The following NUP205 variants were observed in gnomAD, a reference collection of about 807,000 sequenced individuals.
NUP205 encodes nuclear pore complex protein Nup205.
A neutral mutation model predicts 253.8 loss-of-function variants in NUP205; 76 were observed. That is an observed-to-expected ratio of 0.30 (90% CI 0.25 to 0.36). The LOEUF (loss-of-function observed/expected upper bound fraction) is 0.36, where lower values mean the gene tolerates loss of function less well. NUP205 is among the 10% of genes least tolerant of loss of function. The probability of loss-of-function intolerance (pLI) is 1.00; values close to 1 mark genes in which losing one functional copy is unlikely to be tolerated. For synonymous variants in NUP205, 832 were observed against 850.1 expected, an observed-to-expected ratio of 0.98 and a Z score of 0.37; for missense variants, 2,162 against 2,425.5, an observed-to-expected ratio of 0.89 and a Z score of 2.28.
chr7:135,616,991 T>C (rs1794375623), intron 25 of NUP205, 99 bp from the exon 26 acceptor site: 1 of 896,120 alleles, frequency 1.1e-6, no homozygotes, highest in Non-Finnish European at 1.7e-6. Context: ...TTATGCTCTT[T>C]CTGAAAATAG....
rs1794101127 is a variant in NUP205 at position 135,607,026 on chromosome 7, A to G, written c.3070+111A>G. On this transcript the variant is annotated intron_variant, in intron 21 of 42. Transcript: ENST00000285968. Reference sequence around the variant, plus strand: ...AATTCATTGAAAGAAAAAGTGTAAGAAAGGTAATGTGATGGATGGGTCAGT... The same window carrying G: ...AATTCATTGAAAGAAAAAGTGTAAGGAAGGTAATGTGATGGATGGGTCAGT... 4 of 1,253,324 alleles carry G rather than the reference A, an allele frequency of 3.2e-6. No individual in the cohort carries two copies. The Admixed American group carries it at 8.5e-5, about 27-fold the overall frequency. The allele number at this position is 1,253,324 out of a possible 1,614,324, so 77.6% of individuals were successfully genotyped here. A position where few individuals can be genotyped will look rare whatever the true frequency, so the allele number is the denominator to read the frequency against.
intron 27 of NUP205, 50 bp from the exon 28 acceptor site, chr7:135,618,362 C>G: frequency 6.8e-7 from 1 of 1,465,488 alleles, no homozygotes; most frequent in Non-Finnish European, 9.5e-7. Flanking sequence ...TGACAGATAA[C>G]TGATCTTATT....
Position 135,577,956 on chromosome 7 carries a change from C to T in NUP205, c.809C>T (p.Ala270Val). The T allele has an allele frequency of 6.2e-7, 1 of 1,613,976 alleles. No individual in the cohort carries two copies. Residue 270 changes from alanine to valine, a missense_variant, in exon 6 of 43, where the codon GCT becomes GTT. Transcript: ENST00000285968. Reference sequence around the variant, plus strand: ...GGCTCACTGGATGCAGTGAATCTGGCTCTTCTTATGGCGCTTCTATACTGT... The same window carrying T: ...GGCTCACTGGATGCAGTGAATCTGGTTCTTCTTATGGCGCTTCTATACTGT... ...ANGSLDAVNL[A>V]LLMALLYCFD...
At chr7:135,610,865 C>T (rs531937720) in intron 22 of NUP205, among the ~76,000 whole-genome samples, 1 of 152,240 alleles carries the variant, frequency 6.6e-6, no homozygotes, top group East Asian at 1.9e-4. Flanking sequence ...AGGCCTGGTG[C>T]CTTTGCCCTC....
At chr7:135,620,347 A>C (rs1584679229) in intron 30 of NUP205, among the ~76,000 whole-genome samples, 1 of 152,226 alleles carries the variant, frequency 6.6e-6, no homozygotes, top group Non-Finnish European at 1.5e-5. Context: ...CAGCTTGGCC[A>C]ATATGGTGAA....
At chr7:135,564,245 ATTTT>A (rs35094813) in intron 1 of NUP205, among the ~76,000 whole-genome samples, 1 of 124,004 alleles carries the variant, frequency 8.1e-6, no homozygotes, top group Non-Finnish European at 1.7e-5. Context: ...ATGCCCAGCT[ATTTT>A]TTTTTTTTTT....
intron 3 of NUP205, among the ~76,000 whole-genome samples, chr7:135,575,453 A>G (rs1468790744): frequency 6.6e-6 from 1 of 152,122 alleles, no homozygotes; most frequent in African/African-American, 2.4e-5. Context: ...AGGGGAAAAG[A>G]AAGCTTTAGG....
chr7:135,616,880 A>G (rs754198428), intron 25 of NUP205, among the ~76,000 whole-genome samples, 154 bp downstream of exon 25: 19 of 152,040 alleles, frequency 1.2e-4, no homozygotes, highest in South Asian at 4.1e-4. Context: ...TTTTTTTTAT[A>G]ATAGGATTAT....
intron 35 of NUP205, among the ~76,000 whole-genome samples, chr7:135,631,836 G>A (rs1369427833): frequency 2.7e-5 from 4 of 149,010 alleles, no homozygotes; most frequent in African/African-American, 9.9e-5. Flanking sequence ...TGCAAGCTCC[G>A]CCTCCCCGAT....
chr7:135,574,788 G>A (rs1806105622), intron 3 of NUP205, among the ~76,000 whole-genome samples: 1 of 152,182 alleles, frequency 6.6e-6, no homozygotes, highest in African/African-American at 2.4e-5. Context: ...AGAGAAAAGA[G>A]AGAAAAATTT....
chr7:135,568,405 T>A (rs1443393532), intron 1 of NUP205, among the ~76,000 whole-genome samples: 3 of 151,842 alleles, frequency 2.0e-5, no homozygotes. Flanking sequence ...TGATCTTGGC[T>A]CACTGCAACC....
At chr7:135,558,138 C>G in intron 1 of NUP205, 166 bp downstream of exon 1, 1 of 664,262 alleles carries the variant, frequency 1.5e-6, no homozygotes, top group Non-Finnish European at 2.8e-6. Flanking sequence ...TTGAATGGCG[C>G]GCGTCGGTGC....
intron 22 of NUP205, among the ~76,000 whole-genome samples, chr7:135,609,131 G>A (rs1013426165): frequency 6.8e-6 from 1 of 146,718 alleles, no homozygotes; most frequent in Non-Finnish European, 1.5e-5. Flanking sequence ...AAAAGAACCA[G>A]GCTTTATAAG....
At chr7:135,585,134 G>A (rs574082572) in intron 8 of NUP205, 127 bp downstream of exon 8, 9 of 668,908 alleles carry the variant, frequency 1.3e-5, no homozygotes, top group African/African-American at 1.8e-5. Context: ...TTTGCCAGTA[G>A]CTGTATTACA....
intron 17 of NUP205, 83 bp downstream of exon 17, chr7:135,601,590 C>A (rs1203965809): frequency 7.1e-7 from 1 of 1,414,736 alleles, no homozygotes; most frequent in Non-Finnish European, 9.6e-7. Context: ...AATAGATGAT[C>A]TCTGAAGTCA....
At chr7:135,567,077 T>C (rs1805781630) in intron 1 of NUP205, among the ~76,000 whole-genome samples, 1 of 138,082 alleles carries the variant, frequency 7.2e-6, no homozygotes, top group Non-Finnish European at 1.5e-5. Context: ...CTTATCAATT[T>C]GTAAGTTCCA....
chr7:135,594,870 A>T, intron 13 of NUP205, 141 bp downstream of exon 13: 1 of 619,504 alleles, frequency 1.6e-6, no homozygotes, highest in Non-Finnish European at 2.7e-6. Context: ...GGGACTGAGC[A>T]TAGCAATAGA....
chr7:135,583,527 A>G (rs1806368156), intron 7 of NUP205, among the ~76,000 whole-genome samples: 1 of 152,130 alleles, frequency 6.6e-6, no homozygotes. Context: ...TGGGAGGCCG[A>G]GATGGGAGGA....
At position 135,637,980 on chromosome 7, in the gene NUP205, G is replaced by T. The variant is rs758312807; in HGVS notation, c.5186G>T (p.Arg1729Leu). The stretch of plus-strand genomic sequence containing the variant: ...CGCTTTGGTGGCTCTGACAGACTGC[G>T]TCAGTTTAAATTTCAAGACGATAAT... ...LSRFGGSDRL[R>L]QFKFQDDNVE... Residue 1729 changes from arginine (R) to leucine (L), a missense_variant, in exon 37 of 43, where the codon CGT (arginine) becomes CTT (leucine). Physicochemically the swap from Arg to Leu is moderately radical, Grantham distance 102. Transcript: ENST00000285968. The T allele has an allele frequency of 1.2e-6, 2 of 1,613,868 alleles. No homozygotes were observed. The highest frequency in any genetic ancestry group is 2.7e-5 in the African/African-American group (2 of 74,912).
Sources: allele counts gnomAD v4.1 joint callset (sites outside exome capture counted in the v4.1 genomes callset), GRCh38; gene constraint gnomAD v4.1.1; transcripts MANE v1.5; gene names NCBI Gene and HGNC (gene_info 2026-07-23, HGNC 2026-07-21).